FBXL13: variants seen among roughly 807,000 people sequenced by gnomAD.
FBXL13 encodes F-box and leucine rich repeat protein 13.
In FBXL13, 67 loss-of-function variants were observed where a neutral mutation model predicts 83.6. The observed-to-expected ratio is 0.80, with a 90% CI of 0.66 to 0.98. FBXL13 has a LOEUF of 0.98. Among genes scored for constraint, FBXL13 ranks in the 50% least tolerant of loss-of-function variants. The pLI is 0.00. For synonymous variants in FBXL13, 272 were observed against 299.5 expected (o/e 0.91, Z 0.95); for missense variants, 822 against 866.5 (o/e 0.95, Z 0.64).
chr7:103,032,683 T>C (rs1241447854), intron 2 of FBXL13, among the ~76,000 whole-genome samples: 3 of 152,224 alleles, frequency 2.0e-5, no homozygotes, highest in Non-Finnish European at 2.9e-5. Context: ...GGAGGTGGGA[T>C]AACATTGGCC....
At position 103,001,124 on chromosome 7, in the gene FBXL13, T is replaced by A. The variant is rs570611341; in HGVS notation, c.495+23939A>T. On this transcript the variant is annotated intron_variant, in intron 6 of 19. Coordinates refer to ENST00000313221, the Ensembl canonical transcript of FBXL13. The stretch of plus-strand genomic sequence containing the variant: ...CACACCCAGTTCTATATATATATTT[T>A]TTTTTGATTTTTTTTTTGTAGAGAC... 1.8e-3 allele frequency among the ~76,000 whole-genome samples: 278 copies of A among 150,782 alleles called. 1 individual carries two copies. Among genetic ancestry groups the A allele is most frequent in the African/African-American group, 6.3e-3 (253 of 40,364 alleles).
intron 6 of FBXL13, among the ~76,000 whole-genome samples, chr7:103,015,520 G>A (rs1792185428): frequency 6.6e-6 from 1 of 152,128 alleles, no homozygotes; most frequent in African/African-American, 2.4e-5. Context: ...TGTACTAGCT[G>A]TGCACAGTGG....
At chr7:102,853,388 T>TA (rs1240462419) in intron 17 of FBXL13, among the ~76,000 whole-genome samples, 1 of 152,124 alleles carries the variant, frequency 6.6e-6, no homozygotes, top group Admixed American at 6.5e-5. Flanking sequence ...ATTAAAGACT[T>TA]AAACGTTAGA....
chr7:102,903,938 T>TCTTTA (rs1405795656), intron 11 of FBXL13, among the ~76,000 whole-genome samples: 4 of 131,350 alleles, frequency 3.0e-5, no homozygotes, highest in African/African-American at 1.3e-4. Context: ...TCTTTTCTTT[T>TCTTTA]CTTTTTTTTT....
At chr7:103,027,660 G>T in intron 4 of FBXL13, 102 bp from the exon 6 acceptor site, 1 of 661,406 alleles carries the variant, frequency 1.5e-6, no homozygotes, top group Non-Finnish European at 2.4e-6. Context: ...AGACAATGTC[G>T]CATCTGATCG....
At chr7:102,950,246 T>C (rs1282728504) in intron 8 of FBXL13, among the ~76,000 whole-genome samples, 2 of 151,792 alleles carry the variant, frequency 1.3e-5, no homozygotes, top group Non-Finnish European at 2.9e-5. Context: ...ATCAGGGAAA[T>C]GTAAATTAAA....
chr7:102,876,971 T>C (rs1262270341), intron 16 of FBXL13, among the ~76,000 whole-genome samples: 1 of 152,196 alleles, frequency 6.6e-6, no homozygotes, highest in Non-Finnish European at 1.5e-5. Flanking sequence ...AGGGATAAGA[T>C]GGATGTGGCC....
intron 11 of FBXL13, among the ~76,000 whole-genome samples, chr7:102,898,581 G>A (rs1037181544): frequency 2.2e-4 from 34 of 152,220 alleles, no homozygotes; most frequent in Non-Finnish European, 3.4e-4. Flanking sequence ...ATGAGCCACC[G>A]TGCCTGGCCA....
chr7:102,826,713 A>G (rs1799676193), intron 18 of FBXL13, among the ~76,000 whole-genome samples: 1 of 121,342 alleles, frequency 8.2e-6, no homozygotes, highest in African/African-American at 3.0e-5. Context: ...AGACAGAGTG[A>G]GACCCTGTCT....
chr7:103,074,620 G>T, upstream of FBXL13: 1 of 1,256,496 alleles, frequency 8.0e-7, no homozygotes, highest in Non-Finnish European at 1.0e-6. Context: ...TCCCTCCTCC[G>T]GGAAGTCTTT....
chr7:102,912,500 A>T (rs1349021989), intron 11 of FBXL13, among the ~76,000 whole-genome samples: 1 of 152,228 alleles, frequency 6.6e-6, no homozygotes, highest in Admixed American at 6.5e-5. Context: ...ATCCTCTGCA[A>T]CTTGATCCAA....
At chr7:102,917,009 T>C (rs1178945428) in intron 10 of FBXL13, among the ~76,000 whole-genome samples, 1 of 152,094 alleles carries the variant, frequency 6.6e-6, no homozygotes, top group Non-Finnish European at 1.5e-5. Flanking sequence ...TGTATTTAAA[T>C]AAAAAATTCT....
At chr7:103,040,790 G>C (rs1351714628) in intron 2 of FBXL13, among the ~76,000 whole-genome samples, 1 of 152,142 alleles carries the variant, frequency 6.6e-6, no homozygotes, top group Non-Finnish European at 1.5e-5. Flanking sequence ...GGAGAACAAA[G>C]ACACAATGTA....
At chr7:102,846,997 A>G (rs1341789689) in intron 17 of FBXL13, among the ~76,000 whole-genome samples, 2 of 152,254 alleles carry the variant, frequency 1.3e-5, no homozygotes, top group African/African-American at 4.8e-5. Flanking sequence ...CAACAGAAGA[A>G]TAATATTTCA....
At chr7:102,920,461 C>T (rs1816758373) in intron 10 of FBXL13, among the ~76,000 whole-genome samples, 1 of 152,080 alleles carries the variant, frequency 6.6e-6, no homozygotes, top group Non-Finnish European at 1.5e-5. Flanking sequence ...ATGATCCTCC[C>T]ACCTCAGCCT....
At chr7:103,063,549 T>C (rs76541067) in intron 1 of FBXL13, among the ~76,000 whole-genome samples, 3,195 of 152,214 alleles carry the variant, frequency 0.021, 127 homozygotes, top group African/African-American at 0.074. Context: ...ATTTTCTTTT[T>C]CTACTTTTCT....
chr7:102,867,091 C>CGCCTAACATCTCAACACTTTGGAAG (rs1432222397), intron 16 of FBXL13, among the ~76,000 whole-genome samples: 1 of 152,172 alleles, frequency 6.6e-6, no homozygotes, highest in Admixed American at 6.5e-5. Context: ...TGACAGCTGA[C>CGCCTAACATCTCAACACTTTGGAAG]GCCTAACATC....
At chr7:102,929,790 G>T (rs1818847955) in intron 9 of FBXL13, among the ~76,000 whole-genome samples, 1 of 152,034 alleles carries the variant, frequency 6.6e-6, no homozygotes, top group Admixed American at 6.6e-5. Context: ...TTCTGTTAGG[G>T]GTGAGGGAAA....
intron 11 of FBXL13, among the ~76,000 whole-genome samples, chr7:102,905,480 T>C (rs1206094192): frequency 6.6e-6 from 1 of 152,220 alleles, no homozygotes; most frequent in Non-Finnish European, 1.5e-5. Flanking sequence ...CTCCATTCTT[T>C]TATTTTCAGT....
Sources: gnomAD v4.1 joint callset for allele counts (sites outside exome capture counted in the v4.1 genomes callset) on GRCh38, gnomAD v4.1.1 for gene constraint, MANE v1.5 for transcripts, NCBI Gene and HGNC (gene_info 2026-07-23, HGNC 2026-07-21) for gene names.